Variants in PRDM10 observed in about 807,000 individuals in gnomAD.
PRDM10 encodes the protein PR domain zinc finger protein 10.
In PRDM10, 65 loss-of-function variants were observed where a neutral mutation model predicts 133.1. The observed-to-expected ratio is 0.49, with a 90% CI of 0.40 to 0.60. The LOEUF (loss-of-function observed/expected upper bound fraction) is 0.60, where lower values mean the gene tolerates loss of function less well. Ranked by LOEUF, PRDM10 falls within the 20% of genes least tolerant of loss-of-function variation. PRDM10 has a pLI of 0.00. For missense variants in PRDM10, 1,137 were observed against 1,507.1 expected (o/e 0.75, Z 4.07); for synonymous variants, 582 against 580.4 (o/e 1.00, Z -0.04).
intron 1 of PRDM10, among the ~76,000 whole-genome samples, chr11:129,962,115 A>T (rs527749430): frequency 3.3e-5 from 5 of 152,316 alleles, no homozygotes; most frequent in Admixed American, 3.3e-4. Flanking sequence ...TGTTGGAGTG[A>T]TTAGCGGCCA....
chr11:129,931,881 T>C (rs1421892318), intron 10 of PRDM10, among the ~76,000 whole-genome samples: 2 of 152,332 alleles, frequency 1.3e-5, no homozygotes, highest in South Asian at 2.1e-4. Flanking sequence ...TCCGGTCAAT[T>C]TTAAATCTTT....
chr11:129,901,639 T>G lies in PRDM10; in HGVS notation c.*674A>C, dbSNP rs962184330. 3 of 152,218 alleles carry G rather than the reference T, an allele frequency of 2.0e-5. No homozygotes were observed. Among genetic ancestry groups the G allele is most frequent in the African/African-American group, 7.2e-5 (3 of 41,468 alleles). The allele number at this position is 152,218 out of a possible 1,614,324, so 9.4% of individuals were successfully genotyped here. A position where few individuals can be genotyped will look rare whatever the true frequency, so the allele number is the denominator to read the frequency against. Reference sequence around the variant, plus strand: ...GAAATAATGAAGAACTATCAGAACATGAGCTTCTGACCTAATCCACTGAGG... The same window carrying G: ...GAAATAATGAAGAACTATCAGAACAGGAGCTTCTGACCTAATCCACTGAGG... On this transcript the variant is annotated 3_prime_UTR_variant, in exon 21 of 21. Transcript: ENST00000360871.
intron 1 of PRDM10, among the ~76,000 whole-genome samples, chr11:129,962,783 T>C (rs1273300186): frequency 6.6e-6 from 1 of 152,144 alleles, no homozygotes; most frequent in African/African-American, 2.4e-5. Context: ...TACAAAGATA[T>C]TCAGGGTGAG....
intron 17 of PRDM10, among the ~76,000 whole-genome samples, chr11:129,912,574 AC>A (rs1950221087): frequency 6.6e-6 from 1 of 151,696 alleles, no homozygotes; most frequent in Admixed American, 6.6e-5. Flanking sequence ...ACATGGTGAA[AC>A]CCCGTCTCTA....
At chr11:129,994,836 G>C (rs1432944665) in intron 1 of PRDM10, among the ~76,000 whole-genome samples, 2 of 151,916 alleles carry the variant, frequency 1.3e-5, no homozygotes, top group Non-Finnish European at 2.9e-5. Context: ...TGTATTTTTA[G>C]TAGAGACAGG....
At chr11:129,974,611 A>G (rs1289461826) in intron 1 of PRDM10, among the ~76,000 whole-genome samples, 1 of 152,224 alleles carries the variant, frequency 6.6e-6, no homozygotes, top group Non-Finnish European at 1.5e-5. Flanking sequence ...CTAAAAGATC[A>G]TTCCCATGAG....
At chr11:129,926,533 T>C (rs1156745463) in intron 11 of PRDM10, among the ~76,000 whole-genome samples, 1 of 152,222 alleles carries the variant, frequency 6.6e-6, no homozygotes, top group East Asian at 1.9e-4. Context: ...TTAAACTAAA[T>C]TTAATGTGAA....
At position 129,944,755 on chromosome 11, in the gene PRDM10, A is replaced by G; in HGVS notation, c.762+16T>C. 1 of 1,613,674 alleles carries G rather than the reference A, an allele frequency of 6.2e-7. No individual in the cohort carries two copies. The highest frequency in any genetic ancestry group is 8.5e-7 in the Non-Finnish European group (1 of 1,179,924). ...TGGTAAAGGACAGGAGTGAAGTGTG[A>G]TAGAGCATAAATTACCTTGAGGTGA... On this transcript the variant is annotated intron_variant, in intron 6 of 20. Coordinates refer to ENST00000360871, the MANE Select transcript of PRDM10 (RefSeq NM_199437.2).
chr11:129,976,667 TTA>T (rs562630133), intron 1 of PRDM10, among the ~76,000 whole-genome samples: 15 of 152,296 alleles, frequency 9.8e-5, no homozygotes, highest in Middle Eastern at 3.4e-3. Context: ...AGAGCTTCTA[TTA>T]TGTTCATTCA....
intron 1 of PRDM10, among the ~76,000 whole-genome samples, chr11:129,995,784 A>G (rs1324371693): frequency 1.3e-5 from 2 of 152,094 alleles, no homozygotes; most frequent in Non-Finnish European, 2.9e-5. Flanking sequence ...CGTCTCTACT[A>G]AAAATACAAA....
At chr11:129,985,780 CAAAAAAAAAAAAAAAAAAA>C (rs1159728991) in intron 1 of PRDM10, among the ~76,000 whole-genome samples, 3 of 26,736 alleles carry the variant, frequency 1.1e-4, no homozygotes, top group African/African-American at 2.8e-4. Context: ...AAACCCTGTC[CAAAAAAAAAAAAAAAAAAA>C]AAAAAAAAAA....
intron 11 of PRDM10, among the ~76,000 whole-genome samples, chr11:129,927,859 C>G (rs1950730525): frequency 6.6e-6 from 1 of 152,182 alleles, no homozygotes; most frequent in Non-Finnish European, 1.5e-5. Flanking sequence ...GAGCCACAAC[C>G]CGTACACATT....
At chr11:129,943,854 G>A (rs571423327) in intron 6 of PRDM10, among the ~76,000 whole-genome samples, 7 of 152,174 alleles carry the variant, frequency 4.6e-5, no homozygotes, top group East Asian at 3.9e-4. Context: ...TTAGCTGGGC[G>A]TGATGGCAGG....
In PRDM10 at chr11:129,902,233, A is replaced by G. The variant is rs1949861030; in HGVS notation, c.*80T>C. 1 of 1,485,942 alleles carries G rather than the reference A, an allele frequency of 6.7e-7. No homozygotes were observed. The highest frequency in any genetic ancestry group is 9.1e-7 in the Non-Finnish European group (1 of 1,093,366). 92.0% of individuals were successfully genotyped at this position (1,485,942 alleles called of 1,614,324 possible). On this transcript the variant is annotated 3_prime_UTR_variant, in exon 21 of 21. Coordinates refer to ENST00000360871, the MANE Select transcript of PRDM10 (RefSeq NM_199437.2). ...CTTGAGTGAATAATAAATCTTACAA[A>G]AGAGCTCTACGTGTCAGAGCTTTCA...
chr11:129,939,478 T>G (rs1484417679), intron 7 of PRDM10, among the ~76,000 whole-genome samples: 1 of 152,116 alleles, frequency 6.6e-6, no homozygotes, highest in Non-Finnish European at 1.5e-5. Flanking sequence ...AATTCCAAGG[T>G]GTATTTTTAA....
chr11:129,923,392 G>A lies in PRDM10; in HGVS notation c.1890C>T (p.His630=), dbSNP rs749910026. 31 of 1,605,550 alleles carry A rather than the reference G, an allele frequency of 1.9e-5. No homozygotes were observed. The South Asian group carries it at 2.6e-4, about 13-fold the overall frequency. Residue 630 remains histidine, a synonymous_variant, in exon 13 of 21, where the codon CAC becomes CAT. Transcript: ENST00000360871. This position sits in a 1 kb window ranked among gnomAD's most constrained non-coding sequence, Gnocchi z 4.4. Reference sequence around the variant, plus strand: ...TCTTTTCTGAGTGGAAGCTGCGCACGTGTTTTTTCACCTGGTGATAAGAAC... The same window carrying A: ...TCTTTTCTGAGTGGAAGCTGCGCACATGTTTTTTCACCTGGTGATAAGAAC... The part of the protein sequence containing the change: ...RFPDFIQVKK[H]VRSFHSEKIY...
At chr11:129,955,810 G>T (rs117353833) in intron 3 of PRDM10, among the ~76,000 whole-genome samples, 1 of 152,114 alleles carries the variant, frequency 6.6e-6, no homozygotes, top group Non-Finnish European at 1.5e-5. Flanking sequence ...AACATACTTC[G>T]CAATTTTACT....
At position 129,952,545 on chromosome 11, in the gene PRDM10, A is replaced by G. The variant is rs180732124; in HGVS notation, c.294+2967T>C. ...ATGGCCAATCAACATCTTTTCTTTT[A>G]AGAGACAAAATGTCTGTCTGGAGTG... is the stretch of plus-strand genomic sequence containing the variant. On this transcript the variant is annotated intron_variant, in intron 4 of 20. Transcript: ENST00000360871. 2.7e-3 allele frequency among the ~76,000 whole-genome samples: 410 copies of G among 152,096 alleles called. 5 individuals carry two copies. Among genetic ancestry groups the G allele is most frequent in the Non-Finnish European group, 3.8e-3 (260 of 67,992 alleles).
At chr11:129,962,311 C>T (rs1211091900) in intron 1 of PRDM10, among the ~76,000 whole-genome samples, 2 of 152,106 alleles carry the variant, frequency 1.3e-5, no homozygotes, top group African/African-American at 2.4e-5. Flanking sequence ...AGAATAAAGA[C>T]CAAAGAAGAA....
Sources: gnomAD v4.1 joint callset for allele counts (sites outside exome capture counted in the v4.1 genomes callset) on GRCh38, gnomAD v4.1.1 for gene constraint, Gnocchi (gnomAD v3.1) non-coding constraint, MANE v1.5 for transcripts, NCBI Gene and HGNC (gene_info 2026-07-23, HGNC 2026-07-21) for gene names.